Variants in OCA2 observed in about 807,000 individuals in gnomAD.
OCA2 encodes OCA2 melanosomal transmembrane protein.
OCA2 carries 77 observed loss-of-function variants against 100.2 expected under a neutral mutation model. That is an observed-to-expected ratio of 0.77 (90% confidence interval 0.64 to 0.93). The LOEUF (loss-of-function observed/expected upper bound fraction) is 0.93. Ranked by LOEUF, OCA2 falls within the 40% of genes least tolerant of loss-of-function variation. OCA2 has a pLI of 0.00. For missense variants in OCA2, 1,062 were observed against 1,089.1 expected (o/e 0.98, Z 0.35); for synonymous variants, 432 against 439.2 (o/e 0.98, Z 0.21).
chr15:27,824,782 C>T (rs1356358744), intron 23 of OCA2, among the ~76,000 whole-genome samples: 2 of 151,822 alleles, frequency 1.3e-5, no homozygotes, highest in African/African-American at 4.8e-5. Flanking sequence ...TCGCACACGA[C>T]TCAGGTGTGC....
chr15:27,974,011 A>C (rs1266911307), intron 14 of OCA2, among the ~76,000 whole-genome samples: 2 of 152,200 alleles, frequency 1.3e-5, no homozygotes, highest in Non-Finnish European at 2.9e-5. Context: ...TAGCAGTGCT[A>C]CTGATTTGTG....
At chr15:27,927,356 T>C (rs1182024009) in intron 18 of OCA2, among the ~76,000 whole-genome samples, 1 of 152,202 alleles carries the variant, frequency 6.6e-6, no homozygotes, top group African/African-American at 2.4e-5. Context: ...TAATGTGTAG[T>C]AGTATGCTAG....
chr15:27,754,437 T>C (rs1017088631), downstream of OCA2, among the ~76,000 whole-genome samples: 1 of 152,178 alleles, frequency 6.6e-6, no homozygotes, highest in Non-Finnish European at 1.5e-5. Flanking sequence ...CAAGGTGTCA[T>C]GCACAGAAGA....
At chr15:27,795,282 T>A (rs2033280434) in intron 23 of OCA2, among the ~76,000 whole-genome samples, 1 of 152,176 alleles carries the variant, frequency 6.6e-6, no homozygotes, top group Non-Finnish European at 1.5e-5. Flanking sequence ...TTGTTCAGAG[T>A]TGGCCTGGCC....
At chr15:28,083,948 T>G (rs867869151) in intron 1 of OCA2, among the ~76,000 whole-genome samples, 1 of 152,334 alleles carries the variant, frequency 6.6e-6, no homozygotes, top group East Asian at 1.9e-4. Flanking sequence ...CCATTGGAAT[T>G]GCCACAGACT....
At chr15:27,977,510 A>C (rs1286737542) in intron 14 of OCA2, among the ~76,000 whole-genome samples, 1 of 152,180 alleles carries the variant, frequency 6.6e-6, no homozygotes, top group Non-Finnish European at 1.5e-5. Context: ...GAGACCATAC[A>C]GCCCACACGT....
intron 18 of OCA2, among the ~76,000 whole-genome samples, chr15:27,940,389 A>G (rs928252383): frequency 2.6e-5 from 4 of 152,252 alleles, no homozygotes; most frequent in African/African-American, 7.2e-5. Flanking sequence ...CCATTGGGCC[A>G]TGAGCAAATG....
chr15:27,874,958 T>C (rs2036728080), intron 19 of OCA2, among the ~76,000 whole-genome samples: 1 of 152,104 alleles, frequency 6.6e-6, no homozygotes, highest in African/African-American at 2.4e-5. Context: ...TACAGGGAAA[T>C]TTATAGTCTT....
chr15:28,069,443 CGG>C (rs1663174679), intron 2 of OCA2, among the ~76,000 whole-genome samples: 5 of 101,830 alleles, frequency 4.9e-5, no homozygotes, highest in Non-Finnish European at 5.5e-5. Context: ...CCCCTCTCCC[CGG>C]TCTCCCTCTC....
intron 23 of OCA2, among the ~76,000 whole-genome samples, chr15:27,764,506 C>T (rs557205290): frequency 6.6e-6 from 1 of 152,216 alleles, no homozygotes; most frequent in East Asian, 1.9e-4. Context: ...GACCAGGAGC[C>T]AACAAACTAC....
chr15:27,774,573 G>A (rs1206078331), intron 23 of OCA2, among the ~76,000 whole-genome samples: 1 of 152,260 alleles, frequency 6.6e-6, no homozygotes, highest in Non-Finnish European at 1.5e-5. Flanking sequence ...AAGCACATGT[G>A]AGACCATTTT....
At chr15:27,775,239 C>T (rs2032141613) in intron 23 of OCA2, among the ~76,000 whole-genome samples, 1 of 152,138 alleles carries the variant, frequency 6.6e-6, no homozygotes, top group Admixed American at 6.5e-5. Context: ...CTGGCGACCC[C>T]ACAGTTGGCG....
intron 12 of OCA2, among the ~76,000 whole-genome samples, chr15:27,985,908 G>C (rs540789490): frequency 6.6e-6 from 1 of 152,174 alleles, no homozygotes; most frequent in African/African-American, 2.4e-5. Context: ...CACCAGGATG[G>C]TCTCAACCTC....
chr15:27,888,011 T>C (rs981784444), intron 19 of OCA2, among the ~76,000 whole-genome samples: 1 of 152,032 alleles, frequency 6.6e-6, no homozygotes, highest in African/African-American at 2.4e-5. Flanking sequence ...AGCCATGTGC[T>C]CATCAATAGC....
chr15:27,930,646 C>T (rs1360112871), intron 18 of OCA2, among the ~76,000 whole-genome samples: 1 of 151,176 alleles, frequency 6.6e-6, no homozygotes, highest in Non-Finnish European at 1.5e-5. Context: ...TATGGAAAAG[C>T]TTGCCAACTC....
At chr15:27,810,105 T>C (rs1405811174) in intron 23 of OCA2, among the ~76,000 whole-genome samples, 1 of 152,200 alleles carries the variant, frequency 6.6e-6, no homozygotes, top group Non-Finnish European at 1.5e-5. Context: ...CATCACATTA[T>C]TGGACTTCAA....
intron 19 of OCA2, among the ~76,000 whole-genome samples, chr15:27,887,085 C>T (rs571149198): frequency 1.3e-5 from 2 of 152,328 alleles, no homozygotes; most frequent in South Asian, 4.1e-4. Context: ...CACAAGATCT[C>T]TCTCTCTGCC....
At chr15:27,980,136 T>G (rs2041109311) in intron 14 of OCA2, among the ~76,000 whole-genome samples, 1 of 152,070 alleles carries the variant, frequency 6.6e-6, no homozygotes, top group African/African-American at 2.4e-5. Flanking sequence ...TTTTTTTTTG[T>G]TTTTTGAGAC....
rs1800418 is a variant in OCA2 at position 27,871,190 on chromosome 15, C to T, written c.2208G>A (p.Ser736=). 3.9e-3 allele frequency: 6,265 copies of T among 1,613,988 alleles called. 123 individuals are homozygous for T. In the African/African-American group the frequency reaches 0.053, roughly 14 times the overall value. The change falls in exon 21 of 24, where the codon TCG becomes TCA. Residue 736 remains serine, a synonymous_variant. Transcript: ENST00000354638. The stretch of plus-strand genomic sequence containing the variant: ...TGAACGGGATGTTGTCAATCAGGGA[C>T]GACGCCAGGGCTGAGACCCACACCA... ...VLVVWVSALA[S]SLIDNIPFTA...
Sources: gnomAD v4.1 joint callset for allele counts (sites outside exome capture counted in the v4.1 genomes callset) on GRCh38, gnomAD v4.1.1 for gene constraint, MANE v1.5 for transcripts, NCBI Gene and HGNC (gene_info 2026-07-23, HGNC 2026-07-21) for gene names.